XYLT1: variants seen among roughly 807,000 people sequenced by gnomAD.
The protein encoded by XYLT1 is beta-D-xylosyltransferase 1.
XYLT1 carries 36 observed loss-of-function variants against 91.3 expected under a neutral mutation model. That is an observed-to-expected ratio of 0.39 (90% confidence interval 0.30 to 0.52). The LOEUF is 0.52. XYLT1 is among the 20% of genes least tolerant of loss of function. The probability of loss-of-function intolerance (pLI) is 0.68; values close to 1 mark genes in which losing one functional copy is unlikely to be tolerated. For synonymous variants in XYLT1, 588 were observed against 532.0 expected (o/e 1.11, Z -1.45); for missense variants, 1,242 against 1,284.5 (o/e 0.97, Z 0.51).
At chr16:17,144,909 G>A (rs2031092579) in intron 6 of XYLT1, among the ~76,000 whole-genome samples, 1 of 152,114 alleles carries the variant, frequency 6.6e-6, no homozygotes, top group African/African-American at 2.4e-5. Context: ...AAGCATTTAA[G>A]GTGTACAGTT....
Position 17,343,148 on chromosome 16 carries a change from C to T in XYLT1, c.402+14864G>A, listed in dbSNP as rs1408879411. On this transcript the variant is annotated intron_variant, in intron 2 of 11. Coordinates refer to ENST00000261381, the MANE Select transcript of XYLT1 (RefSeq NM_022166.4). ...GCACACAGGACCCTTTCACAGAGTC[C>T]AGGGAGTAAATGCCAGCAAGGGTTG... Among the ~76,000 whole-genome samples, 3 of 152,290 alleles carry T rather than the reference C, an allele frequency of 2.0e-5. No individual in the cohort carries two copies. In the East Asian group the frequency reaches 5.8e-4, roughly 29 times the overall value.
chr16:17,218,780 T>G (rs1459017649), intron 3 of XYLT1, among the ~76,000 whole-genome samples: 3 of 152,188 alleles, frequency 2.0e-5, no homozygotes, highest in African/African-American at 7.2e-5. Flanking sequence ...TGGGAGTGAC[T>G]AGAAGATCCT....
At chr16:17,375,093 G>A (rs948717359) in intron 1 of XYLT1, among the ~76,000 whole-genome samples, 11 of 152,176 alleles carry the variant, frequency 7.2e-5, no homozygotes, top group Non-Finnish European at 1.5e-4. Context: ...GAGAGGTGGA[G>A]ACACTTGTTA....
chr16:17,162,365 G>A (rs1213037022), intron 5 of XYLT1, among the ~76,000 whole-genome samples: 3 of 146,960 alleles, frequency 2.0e-5, no homozygotes, highest in Admixed American at 6.9e-5. Context: ...AACACAGATC[G>A]CTCCACTCCA....
In XYLT1 at chr16:17,158,850, G is replaced by A. The variant is rs774823947; in HGVS notation, c.1349C>T (p.Ser450Leu). The change falls in exon 6 of 12, where the codon TCA (serine) becomes TTA (leucine). Residue 450 changes from serine to leucine, a missense_variant. This residue lies in a region of XYLT1 where 294 missense variants were observed against 376.0 expected (regional missense o/e 0.78). Transcript: ENST00000261381. ...SRYRDMNFLK[S>L]HGRDNARFIR... is the part of the protein sequence containing the mutation. ...CTACCTTGCATTGTCCCGGCCGTGT[G>A]ACTTCAAGAAATTCATATCTCGGTA... 2 of 1,614,064 alleles carry A rather than the reference G, an allele frequency of 1.2e-6. 1 individual carries two copies. The highest frequency in any genetic ancestry group is 2.2e-5 in the South Asian group (2 of 91,060).
intron 1 of XYLT1, among the ~76,000 whole-genome samples, chr16:17,378,311 T>C (rs80083891): frequency 3.9e-5 from 6 of 152,046 alleles, no homozygotes; most frequent in African/African-American, 1.2e-4. Context: ...CTTTTTTTTT[T>C]CACCAAAAAA....
chr16:17,165,509 A>G (rs2031656053), intron 5 of XYLT1, among the ~76,000 whole-genome samples: 1 of 149,312 alleles, frequency 6.7e-6, no homozygotes, highest in East Asian at 2.0e-4. Flanking sequence ...ACATGGTGAA[A>G]CCTGGTCTCT....
chr16:17,151,591 A>G (rs1428810205), intron 6 of XYLT1, among the ~76,000 whole-genome samples: 1 of 152,130 alleles, frequency 6.6e-6, no homozygotes, highest in Non-Finnish European at 1.5e-5. Context: ...GAAAGAGTGA[A>G]TATCTGTAAG....
rs995842885 is a variant in XYLT1, at chr16:17,189,971, G to A, written c.1289+8241C>T. ...AGAGCCAGGAGAATCTCTTGAACTT[G>A]GGAGGCAGAGGTTGCAGTGAGCCAA... is the stretch of plus-strand genomic sequence containing the variant. On this transcript the variant is annotated intron_variant, in intron 5 of 11. Transcript: ENST00000261381. Among the ~76,000 whole-genome samples, 27 of 152,168 alleles carry A rather than the reference G, an allele frequency of 1.8e-4. 1 individual carries two copies. The highest frequency in any genetic ancestry group is 1.5e-5 in the Non-Finnish European group (1 of 68,036).
intron 2 of XYLT1, among the ~76,000 whole-genome samples, chr16:17,313,043 TCCCCAG>T (rs2034574121): frequency 3.3e-5 from 5 of 152,108 alleles, no homozygotes; most frequent in Admixed American, 1.3e-4. Flanking sequence ...TGGCCACAGA[TCCCCAG>T]CCTTGTTGGC....
At chr16:17,379,793 A>ACACCCC (rs71373108) in intron 1 of XYLT1, among the ~76,000 whole-genome samples, 5 of 142,440 alleles carry the variant, frequency 3.5e-5, no homozygotes, top group Non-Finnish European at 6.2e-5. Flanking sequence ...ACACACACAC[A>ACACCCC]CCCCTTACCT....
At chr16:17,122,251 T>A (rs2030088499) in intron 10 of XYLT1, among the ~76,000 whole-genome samples, 1 of 152,204 alleles carries the variant, frequency 6.6e-6, no homozygotes, top group African/African-American at 2.4e-5. Context: ...TTTCACCACA[T>A]CCATGCCAAC....
intron 1 of XYLT1, among the ~76,000 whole-genome samples, chr16:17,439,296 AT>A (rs1414762169): frequency 2.6e-5 from 4 of 152,178 alleles, no homozygotes; most frequent in African/African-American, 7.2e-5. Context: ...AGTTCCAGTT[AT>A]CCCCAAACAA....
At chr16:17,309,119 G>C (rs17212473) in intron 2 of XYLT1, among the ~76,000 whole-genome samples, 1 of 152,102 alleles carries the variant, frequency 6.6e-6, no homozygotes, top group African/African-American at 2.4e-5. Flanking sequence ...AGACACGCAA[G>C]GGTCTACAAC....
At chr16:17,180,453 G>A (rs973419273) in intron 5 of XYLT1, among the ~76,000 whole-genome samples, 2 of 152,126 alleles carry the variant, frequency 1.3e-5, no homozygotes, top group Non-Finnish European at 2.9e-5. Flanking sequence ...ATTAGACTGA[G>A]AAAGGGTGGC....
At chr16:17,272,802 T>C (rs1285304599) in intron 2 of XYLT1, among the ~76,000 whole-genome samples, 1 of 152,206 alleles carries the variant, frequency 6.6e-6, no homozygotes, top group Non-Finnish European at 1.5e-5. Flanking sequence ...TTCCCACCAA[T>C]GACACAGGCT....
At chr16:17,385,110 G>A (rs528712581) in intron 1 of XYLT1, among the ~76,000 whole-genome samples, 1 of 151,688 alleles carries the variant, frequency 6.6e-6, no homozygotes, top group African/African-American at 2.4e-5. Context: ...AGGAGATGAC[G>A]GAGCAGAGAG....
rs977448014 is a variant in XYLT1 at position 17,237,553 on chromosome 16, T to C, written c.913+21435A>G. Among the ~76,000 whole-genome samples the C allele has an allele frequency of 2.0e-5, 3 of 152,318 alleles. No individual in the cohort carries two copies. The South Asian group carries it at 6.2e-4, about 32-fold the overall frequency. On this transcript the variant is annotated intron_variant, in intron 3 of 11. Coordinates refer to ENST00000261381, the MANE Select transcript of XYLT1 (RefSeq NM_022166.4). ...CACATGTAATTAAACTGAGTCTGTG[T>C]TGGGTTTCAGATTAGTGAAGTGTGC...
intron 2 of XYLT1, among the ~76,000 whole-genome samples, chr16:17,336,834 C>T (rs548505930): frequency 1.3e-5 from 2 of 152,150 alleles, no homozygotes; most frequent in South Asian, 2.1e-4. Flanking sequence ...AAACCCTGAT[C>T]GTGTCAAGCA....
Sources: allele counts gnomAD v4.1 joint callset (sites outside exome capture counted in the v4.1 genomes callset), GRCh38; gene constraint gnomAD v4.1.1; regional missense constraint gnomAD v4.1.1; transcripts MANE v1.5; gene names NCBI Gene and HGNC (gene_info 2026-07-23, HGNC 2026-07-21).